WWOX: variants seen among roughly 807,000 people sequenced by gnomAD.
The protein encoded by WWOX is WW domain-containing oxidoreductase.
A neutral mutation model predicts 46.2 loss-of-function variants in WWOX; 69 were observed. That is an observed-to-expected ratio of 1.49 (90% confidence interval 1.23 to 1.82). The LOEUF (loss-of-function observed/expected upper bound fraction) is 1.82. Ranked by LOEUF, WWOX falls within the 40% of genes most tolerant of loss-of-function variation. WWOX has a pLI of 0.00. For missense variants in WWOX, 919 were observed against 542.6 expected, an observed-to-expected ratio of 1.69 and a Z score of -6.89; for synonymous variants, 359 against 202.6, an observed-to-expected ratio of 1.77 and a Z score of -6.56.
intron 8 of WWOX, among the ~76,000 whole-genome samples, chr16:78,739,268 G>C (rs1341892379): frequency 6.6e-6 from 1 of 152,164 alleles, no homozygotes; most frequent in Non-Finnish European, 1.5e-5. Flanking sequence ...TCATGGAAGG[G>C]TGCTTGTTCA....
intron 8 of WWOX, among the ~76,000 whole-genome samples, chr16:78,500,309 A>C (rs2085028024): frequency 1.3e-5 from 2 of 152,232 alleles, no homozygotes; most frequent in African/African-American, 4.8e-5. Flanking sequence ...CCGCTTGCCA[A>C]GATTAAATTG....
chr16:78,431,009 C>T (rs950985710), intron 7 of WWOX, among the ~76,000 whole-genome samples: 1 of 152,144 alleles, frequency 6.6e-6, no homozygotes, highest in Non-Finnish European at 1.5e-5. Flanking sequence ...CTTCATTACC[C>T]GGTGCCCAGA....
intron 8 of WWOX, among the ~76,000 whole-genome samples, chr16:78,561,982 A>AC (rs397697586): frequency 3.3e-5 from 5 of 151,810 alleles, no homozygotes; most frequent in Non-Finnish European, 5.9e-5. Context: ...CCAACCTAAC[A>AC]ATGGGTTGAC....
At chr16:79,032,627 T>A (rs2047786241) in intron 8 of WWOX, among the ~76,000 whole-genome samples, 1 of 148,112 alleles carries the variant, frequency 6.8e-6, no homozygotes, top group Non-Finnish European at 1.5e-5. Context: ...ATATAATTCA[T>A]ATAATATATG....
intron 8 of WWOX, among the ~76,000 whole-genome samples, chr16:78,570,934 T>G (rs3853362): frequency 0.16 from 24,886 of 152,032 alleles, 2,118 homozygotes; most frequent in South Asian, 0.18. Context: ...GAAAAGTGTT[T>G]TGGGTAGAAG....
chr16:78,599,330 A>C (rs1268950154), intron 8 of WWOX, among the ~76,000 whole-genome samples: 1 of 152,198 alleles, frequency 6.6e-6, no homozygotes, highest in Admixed American at 6.5e-5. Flanking sequence ...ACAGACATTG[A>C]ACTGAATCTC....
chr16:78,369,232 C>G (rs914041652), intron 5 of WWOX, among the ~76,000 whole-genome samples: 1 of 152,098 alleles, frequency 6.6e-6, no homozygotes, highest in African/African-American at 2.4e-5. Flanking sequence ...TGTCAGATTT[C>G]TCCTCTGTCA....
At chr16:78,711,288 C>A (rs75139669) in intron 8 of WWOX, among the ~76,000 whole-genome samples, 378 of 152,270 alleles carry the variant, frequency 2.5e-3, no homozygotes, top group African/African-American at 8.6e-3. Context: ...ATATCACTTT[C>A]CCTTTTGAAG....
At chr16:79,157,763 C>A (rs1485968557) in intron 8 of WWOX, among the ~76,000 whole-genome samples, 3 of 152,068 alleles carry the variant, frequency 2.0e-5, no homozygotes, top group Admixed American at 2.0e-4. Flanking sequence ...AGTGGAGGGA[C>A]ATGGGGAGGC....
At chr16:79,185,134 G>A (rs551332111) in intron 8 of WWOX, among the ~76,000 whole-genome samples, 3 of 152,162 alleles carry the variant, frequency 2.0e-5, no homozygotes, top group Admixed American at 1.3e-4. Flanking sequence ...AATGGCTGAG[G>A]GGGAGAGGCC....
chr16:78,957,566 G>C (rs2046192827), intron 8 of WWOX, among the ~76,000 whole-genome samples: 1 of 152,016 alleles, frequency 6.6e-6, no homozygotes, highest in Non-Finnish European at 1.5e-5. Flanking sequence ...TCTTCTTTCT[G>C]GTGAAATACC....
intron 8 of WWOX, among the ~76,000 whole-genome samples, chr16:78,732,368 G>T (rs1180510873): frequency 1.3e-5 from 2 of 152,104 alleles, no homozygotes; most frequent in African/African-American, 4.8e-5. Context: ...GACCGTGAGA[G>T]GCCCAAATAG....
At chr16:78,578,068 C>T (rs1226508462) in intron 8 of WWOX, among the ~76,000 whole-genome samples, 1 of 151,420 alleles carries the variant, frequency 6.6e-6, no homozygotes, top group Non-Finnish European at 1.5e-5. Context: ...TGGGGAACAT[C>T]ACTAGCCACC....
At chr16:78,353,575 G>A (rs984612876) in intron 5 of WWOX, among the ~76,000 whole-genome samples, 2 of 152,266 alleles carry the variant, frequency 1.3e-5, no homozygotes. Flanking sequence ...CTATATTCTT[G>A]GTATTCACCA....
At chr16:78,373,069 A>T (rs1435474090) in intron 5 of WWOX, among the ~76,000 whole-genome samples, 1 of 152,004 alleles carries the variant, frequency 6.6e-6, no homozygotes, top group Non-Finnish European at 1.5e-5. Flanking sequence ...CCTAACTTTC[A>T]TTTCTGCTTG....
At chr16:78,900,392 G>T (rs1437868671) in intron 8 of WWOX, among the ~76,000 whole-genome samples, 5 of 152,122 alleles carry the variant, frequency 3.3e-5, no homozygotes, top group Non-Finnish European at 2.9e-5. Flanking sequence ...CATGTAATTT[G>T]CTGGGCACCC....
intron 8 of WWOX, among the ~76,000 whole-genome samples, chr16:78,689,703 T>C (rs1023989925): frequency 1.3e-5 from 2 of 152,200 alleles, no homozygotes; most frequent in Admixed American, 1.3e-4. Context: ...CCTGCTACTC[T>C]GTTCCTTGAC....
chr16:78,613,049 TGA>T (rs1475446430), intron 8 of WWOX, among the ~76,000 whole-genome samples: 2 of 152,088 alleles, frequency 1.3e-5, no homozygotes, highest in Non-Finnish European at 2.9e-5. Context: ...AGGTGCCTCT[TGA>T]GAGTTTGTAG....
intron 8 of WWOX, among the ~76,000 whole-genome samples, chr16:79,082,814 C>T (rs2048785373): frequency 6.6e-6 from 1 of 151,212 alleles, no homozygotes; most frequent in African/African-American, 2.4e-5. Flanking sequence ...TTTTTGCTTT[C>T]AGCTTTATAC....
Sources: allele counts gnomAD v4.1 joint callset (sites outside exome capture counted in the v4.1 genomes callset), GRCh38; gene constraint gnomAD v4.1.1; transcripts MANE v1.5; gene names NCBI Gene and HGNC (gene_info 2026-07-23, HGNC 2026-07-21).